Variants in SMIM7 observed in about 807,000 individuals in gnomAD.
The protein encoded by SMIM7 is small integral membrane protein 7.
SMIM7 carries 12 observed loss-of-function variants against 13.3 expected under a neutral mutation model. The ratio of observed to expected loss-of-function variants is 0.90; its 90% CI spans 0.58 to 1.46. SMIM7 has a LOEUF of 1.46. Among genes scored for constraint, SMIM7 ranks in the 40% most tolerant of loss-of-function variants. The probability of loss-of-function intolerance (pLI) is 0.00; values close to 1 mark genes in which losing one functional copy is unlikely to be tolerated. For synonymous variants in SMIM7, 36 were observed against 35.8 expected, an observed-to-expected ratio of 1.01 and a Z score of -0.02; for missense variants, 114 against 94.8, an observed-to-expected ratio of 1.20 and a Z score of -0.84.
At chr19:16,659,034 C>A in intron 3 of SMIM7, 1 of 313,770 alleles carries the variant, frequency 3.2e-6, no homozygotes, top group Non-Finnish European at 6.1e-6. Context: ...CCTGTAATCC[C>A]AGCTCTTCGG....
chr19:16,650,828 T>C (rs775369093), intron 4 of SMIM7, among the ~76,000 whole-genome samples: 10 of 152,162 alleles, frequency 6.6e-5, no homozygotes, highest in Non-Finnish European at 1.3e-4. Context: ...AGTGGATCCT[T>C]CCAACTCCCT....
intron 4 of SMIM7, among the ~76,000 whole-genome samples, chr19:16,632,192 T>C (rs1477462093): frequency 6.6e-6 from 1 of 151,842 alleles, no homozygotes; most frequent in Non-Finnish European, 1.5e-5. Context: ...TTAAAACCCT[T>C]TCTCATATAT....
At chr19:16,656,981 G>A (rs960398668) in intron 3 of SMIM7, among the ~76,000 whole-genome samples, 1 of 152,158 alleles carries the variant, frequency 6.6e-6, no homozygotes, top group African/African-American at 2.4e-5. Context: ...AACATGGGCA[G>A]TTTAACAAAT....
At chr19:16,649,076 C>T (rs557937795) in intron 4 of SMIM7, among the ~76,000 whole-genome samples, 4 of 152,206 alleles carry the variant, frequency 2.6e-5, no homozygotes, top group Admixed American at 2.0e-4. Context: ...AAAAGATTAA[C>T]GGTAACAGAG....
chr19:16,642,964 C>T (rs148706488), downstream of SMIM7, among the ~76,000 whole-genome samples: 2,675 of 151,908 alleles, frequency 0.018, 85 homozygotes, highest in African/African-American at 0.061. Flanking sequence ...GCTGGGATTA[C>T]AGGCGTGCGC....
downstream of SMIM7, among the ~76,000 whole-genome samples, chr19:16,644,118 G>GTTTTTTTTTT (rs557600997): frequency 9.4e-5 from 8 of 85,428 alleles, no homozygotes; most frequent in Non-Finnish European, 8.8e-5. Context: ...AATTGTTTGC[G>GTTTTTTTTTT]TTTTTTTTTT....
chr19:16,632,532 AAC>A (rs1462931382), intron 4 of SMIM7, among the ~76,000 whole-genome samples: 2 of 147,688 alleles, frequency 1.4e-5, no homozygotes. Flanking sequence ...ATTAACTGTG[AAC>A]ATTTTTTTTT....
chr19:16,652,908 A>T, intron 4 of SMIM7: 1 of 1,550,644 alleles, frequency 6.4e-7, no homozygotes, highest in South Asian at 1.2e-5. Flanking sequence ...CAGTAGTATC[A>T]GAGTTATGGC....
At chr19:16,632,883 G>A (rs556332484) in intron 4 of SMIM7, among the ~76,000 whole-genome samples, 11 of 152,230 alleles carry the variant, frequency 7.2e-5, no homozygotes, top group South Asian at 2.1e-4. Context: ...GGATATGAGC[G>A]TACTGAAATT....
downstream of SMIM7, chr19:16,644,619 A>G (rs890365556): frequency 6.6e-6 from 1 of 152,110 alleles, no homozygotes; most frequent in Non-Finnish European, 1.5e-5. Context: ...TTGCATTTTT[A>G]GTAGAGACGG....
chr19:16,652,740 C>T (rs988962080), intron 4 of SMIM7: 2 of 1,455,074 alleles, frequency 1.4e-6, no homozygotes, highest in African/African-American at 1.4e-5. Flanking sequence ...GACAGCAACC[C>T]CACATTCGGA....
intron 3 of SMIM7, among the ~76,000 whole-genome samples, chr19:16,654,852 T>C (rs1031419499): frequency 4.6e-5 from 7 of 151,876 alleles, no homozygotes; most frequent in African/African-American, 7.3e-5. Context: ...CTGAGTCACA[T>C]TGTTGTGCCA....
chr19:16,631,641 A>G (rs1024646046), exon 5 of SMIM7: 4 of 152,230 alleles, frequency 2.6e-5, no homozygotes, highest in Admixed American at 2.6e-4. Flanking sequence ...ACAGCTGTAC[A>G]GGAATAGTCT....
At chr19:16,654,003 G>A (rs749694224) in intron 4 of SMIM7, 32 bp downstream of exon 4, 16 of 1,585,832 alleles carry the variant, frequency 1.0e-5, no homozygotes, top group East Asian at 9.0e-5. Flanking sequence ...ACTAAGAGAC[G>A]ACAGTGAAAG....
intron 4 of SMIM7, among the ~76,000 whole-genome samples, chr19:16,648,458 T>C (rs1311605496): frequency 6.6e-6 from 1 of 152,116 alleles, no homozygotes; most frequent in East Asian, 1.9e-4. Flanking sequence ...ATAAAAAACT[T>C]TTGTGCTTAA....
At chr19:16,634,813 A>G (rs1411299140) in intron 4 of SMIM7, 1 of 150,964 alleles carries the variant, frequency 6.6e-6, no homozygotes, top group Non-Finnish European at 1.5e-5. Flanking sequence ...AGGCAAGAAA[A>G]CTGAAAACAT....
chr19:16,655,465 G>A (rs1178397984), intron 3 of SMIM7: 4 of 452,166 alleles, frequency 8.8e-6, no homozygotes, highest in Non-Finnish European at 1.3e-5. Context: ...CAGATTACCT[G>A]AGGTCGGGAG....
intron 2 of SMIM7, chr19:16,659,751 C>A: frequency 1.4e-6 from 1 of 693,782 alleles, no homozygotes; most frequent in Non-Finnish European, 2.4e-6. Flanking sequence ...AACAGAGGGA[C>A]AACCAAGGAA....
At chr19:16,653,134 G>C (rs1050135298) in intron 4 of SMIM7, among the ~76,000 whole-genome samples, 2 of 152,226 alleles carry the variant, frequency 1.3e-5, no homozygotes, top group Non-Finnish European at 2.9e-5. Flanking sequence ...TGGGCTCAGG[G>C]ACGGCATCTC....
Sources: allele counts gnomAD v4.1 joint callset (sites outside exome capture counted in the v4.1 genomes callset), GRCh38; gene constraint gnomAD v4.1.1; transcripts MANE v1.5; gene names NCBI Gene and HGNC (gene_info 2026-07-23, HGNC 2026-07-21).